The following RASA1 variants were observed in gnomAD, a reference collection of about 807,000 sequenced individuals.
RASA1 encodes ras GTPase-activating protein 1.
In RASA1, 25 loss-of-function variants were observed where a neutral mutation model predicts 132.2. The ratio of observed to expected loss-of-function variants is 0.19; its 90% CI spans 0.14 to 0.26. RASA1 has a LOEUF of 0.26. Among genes scored for constraint, RASA1 ranks in the 10% least tolerant of loss-of-function variants. The pLI is 1.00. For missense variants in RASA1, 964 were observed against 1,299.2 expected, an observed-to-expected ratio of 0.74 and a Z score of 3.97; for synonymous variants, 477 against 449.9, an observed-to-expected ratio of 1.06 and a Z score of -0.76.
rs1223655431 is a variant in RASA1, at chr5:87,391,781, A to ATCTTTGAACTTCTGACTACTTGT, written c.*900_*922dup. On this transcript the variant is annotated 3_prime_UTR_variant, in exon 25 of 25. Transcript: ENST00000274376. ...ACCTCATCAGCTGCCTAACTTATCCATCTTTGAACTTCTGACTACTTGTTG... is the reference window on the plus strand; with the variant it reads ...ACCTCATCAGCTGCCTAACTTATCCATCTTTGAACTTCTGACTACTTGTTCTTTGAACTTCTGACTACTTGTTG... The ATCTTTGAACTTCTGACTACTTGT allele has an allele frequency of 4.3e-6, 1 of 231,874 alleles. No individual in the cohort carries two copies. The highest frequency in any genetic ancestry group is 2.2e-5 in the African/African-American group (1 of 45,242). 14.4% of individuals were successfully genotyped at this position (231,874 alleles called of 1,614,324 possible).
In RASA1 at chr5:87,353,103, A is replaced by G. The variant is rs115510283; in HGVS notation, c.1254-54A>G. Reference sequence around the variant, plus strand: ...GCAAGAAAGTTTACACATATTTTTAAAGATTTTGCAGTTTTATGAGACAGA... The same window carrying G: ...GCAAGAAAGTTTACACATATTTTTAGAGATTTTGCAGTTTTATGAGACAGA... On this transcript the variant is annotated intron_variant, in intron 8 of 24. Transcript: ENST00000274376. The G allele has an allele frequency of 1.8e-3, 2,589 of 1,403,496 alleles. 37 individuals are homozygous for G. The African/African-American group carries it at 0.031, about 17-fold the overall frequency. 86.9% of individuals were successfully genotyped at this position (1,403,496 alleles called of 1,614,324 possible).
At chr5:87,302,260 T>C (rs1755398504) in intron 1 of RASA1, among the ~76,000 whole-genome samples, 1 of 152,086 alleles carries the variant, frequency 6.6e-6, no homozygotes, top group Admixed American at 6.5e-5. Context: ...GTAATAGCTC[T>C]TGTGGTTTTA....
At position 87,391,228 on chromosome 5, in the gene RASA1, T is replaced by C. The variant is rs1762491649; in HGVS notation, c.*345T>C. On this transcript the variant is annotated 3_prime_UTR_variant, in exon 25 of 25. Transcript: ENST00000274376. Reference sequence around the variant, plus strand: ...TTCAGTACACCCAGTTGCCAAAGTTTTGCTGTCTCTTAGAGAAAGAACTAT... The same window carrying C: ...TTCAGTACACCCAGTTGCCAAAGTTCTGCTGTCTCTTAGAGAAAGAACTAT... The C allele has an allele frequency of 7.0e-6, 3 of 431,650 alleles. No individual in the cohort carries two copies. The South Asian group carries it at 7.9e-5, about 11-fold the overall frequency. The allele number at this position is 431,650 out of a possible 1,614,324, so 26.7% of individuals were successfully genotyped here. A position where few individuals can be genotyped will look rare whatever the true frequency, so the allele number is the denominator to read the frequency against.
intron 1 of RASA1, among the ~76,000 whole-genome samples, chr5:87,308,590 A>G (rs1755729620): frequency 6.6e-6 from 1 of 152,196 alleles, no homozygotes; most frequent in Non-Finnish European, 1.5e-5. Context: ...TGTTCTTGGT[A>G]GTAACCATTG....
intron 1 of RASA1, among the ~76,000 whole-genome samples, chr5:87,278,405 A>G (rs2112240598): frequency 6.8e-6 from 1 of 147,776 alleles, no homozygotes; most frequent in Middle Eastern, 3.5e-3. Context: ...AAAAAAAAAA[A>G]TTAGCTGGGC....
At chr5:87,377,193 T>C in intron 17 of RASA1, 153 bp downstream of exon 17, 1 of 963,468 alleles carries the variant, frequency 1.0e-6, no homozygotes. Flanking sequence ...CAGTTGGATG[T>C]CAGTTCTGAT....
At chr5:87,270,592 C>T (rs905865401) in intron 1 of RASA1, among the ~76,000 whole-genome samples, 1 of 148,778 alleles carries the variant, frequency 6.7e-6, no homozygotes, top group Non-Finnish European at 1.5e-5. Flanking sequence ...GGTGATCCGC[C>T]GGCCTCAGCC....
intron 16 of RASA1, 43 bp from the exon 17 acceptor site, chr5:87,376,838 T>C: frequency 1.3e-6 from 2 of 1,533,424 alleles, no homozygotes; most frequent in Non-Finnish European, 1.8e-6. Flanking sequence ...AGCATGCTTA[T>C]AATGCTACGT....
At position 87,377,046 on chromosome 5, in the gene RASA1, G is replaced by A. The variant is rs1209774646; in HGVS notation, c.2344+6G>A. ...CAGAGAAATAAGCATGGAAGGTATGGTATGGCCATGTTAGTGTGATACAAG... is the reference window on the plus strand; with the variant it reads ...CAGAGAAATAAGCATGGAAGGTATGATATGGCCATGTTAGTGTGATACAAG... On this transcript the variant is annotated splice_donor_region_variant and intron_variant, in intron 17 of 24. Coordinates refer to ENST00000274376, the MANE Select transcript of RASA1 (RefSeq NM_002890.3). 1.9e-6 allele frequency: 3 copies of A among 1,611,478 alleles called. No individual in the cohort carries two copies. The highest frequency in any genetic ancestry group is 1.1e-5 in the South Asian group (1 of 91,018).
chr5:87,361,182 C>G (rs905225301), intron 9 of RASA1, among the ~76,000 whole-genome samples: 19 of 152,158 alleles, frequency 1.2e-4, no homozygotes, highest in African/African-American at 4.6e-4. Flanking sequence ...CAACCACAGA[C>G]AGCATGTTAG....
chr5:87,378,421 C>T lies in RASA1; in HGVS notation c.2370C>T (p.Ala790=). The change falls in exon 18 of 25, where the codon GCC becomes GCT. Residue 790 remains alanine, a synonymous_variant. Transcript: ENST00000274376. ...ATGAAGCCACTACCCTATTTCGAGC[C>T]ACAACACTTGCAAGCACCTTGATGG... ...MEDEATTLFR[A]TTLASTLMEQ... 1 of 1,612,438 alleles carries T rather than the reference C, an allele frequency of 6.2e-7. No homozygotes were observed. Among genetic ancestry groups the T allele is most frequent in the Non-Finnish European group, 8.5e-7 (1 of 1,179,134 alleles).
chr5:87,372,676 C>CTA (rs1454338106), intron 13 of RASA1, among the ~76,000 whole-genome samples: 1 of 152,076 alleles, frequency 6.6e-6, no homozygotes, highest in East Asian at 1.9e-4. Context: ...GAGAGTTAAG[C>CTA]TAGGCTTTCT....
rs756674425 is a variant in RASA1 at position 87,379,774 on chromosome 5, A to G, written c.2527A>G (p.Thr843Ala). The G allele has an allele frequency of 3.1e-6, 5 of 1,612,632 alleles. No individual in the cohort carries two copies. Residue 843 changes from threonine to alanine, a missense_variant, in exon 19 of 25, where the codon ACT (threonine) becomes GCT (alanine). Thr to Ala is a moderately conservative substitution (Grantham distance 58). Coordinates refer to ENST00000274376, the MANE Select transcript of RASA1 (RefSeq NM_002890.3). ...SKLEKNEDVN[T>A]NLTHLLNILS... ...GTTAGAAAAAAATGAAGATGTGAAC[A>G]CTAATTTAACACACCTATTGAACAT...
intron 1 of RASA1, among the ~76,000 whole-genome samples, chr5:87,300,551 G>C (rs1755316818): frequency 6.6e-6 from 1 of 152,126 alleles, no homozygotes; most frequent in Non-Finnish European, 1.5e-5. Context: ...AGCTTCCCTA[G>C]CTGGTAAGTT....
chr5:87,356,860 TA>T (rs1759689415), intron 9 of RASA1, among the ~76,000 whole-genome samples: 1 of 152,180 alleles, frequency 6.6e-6, no homozygotes, highest in Non-Finnish European at 1.5e-5. Context: ...ACCTCCAAGG[TA>T]TGCCTATATT....
chr5:87,358,724 C>T (rs1429599286), intron 9 of RASA1, among the ~76,000 whole-genome samples: 3 of 152,190 alleles, frequency 2.0e-5, no homozygotes, highest in African/African-American at 7.2e-5. Context: ...CCAACAGTGG[C>T]AGTCCATTAA....
At chr5:87,361,581 T>TA (rs1760093661) in intron 9 of RASA1, among the ~76,000 whole-genome samples, 2 of 152,284 alleles carry the variant, frequency 1.3e-5, no homozygotes, top group South Asian at 4.1e-4. Context: ...ACCTTAATAG[T>TA]AAAATTGAAG....
intron 1 of RASA1, among the ~76,000 whole-genome samples, chr5:87,279,625 T>C (rs186515345): frequency 7.1e-4 from 108 of 152,324 alleles, no homozygotes; most frequent in African/African-American, 2.3e-3. Context: ...TCACCAGCAA[T>C]GTGTGAAAGA....
intron 1 of RASA1, among the ~76,000 whole-genome samples, chr5:87,305,067 A>C (rs890092063): frequency 3.4e-5 from 5 of 149,170 alleles, no homozygotes; most frequent in Middle Eastern, 3.5e-3. Context: ...ATTCACAGTT[A>C]CTTTCTTTCA....
Sources: allele counts gnomAD v4.1 joint callset (sites outside exome capture counted in the v4.1 genomes callset), GRCh38; gene constraint gnomAD v4.1.1; transcripts MANE v1.5; gene names NCBI Gene and HGNC (gene_info 2026-07-23, HGNC 2026-07-21).